Variants in OSBPL6 observed in about 807,000 individuals in gnomAD.
The protein encoded by OSBPL6 is oxysterol-binding protein-related protein 6.
OSBPL6 carries 49 observed loss-of-function variants against 125.8 expected under a neutral mutation model. That is an observed-to-expected ratio of 0.39 (90% CI 0.31 to 0.49). OSBPL6 has a LOEUF of 0.49. OSBPL6 is among the 20% of genes least tolerant of loss of function. The probability of loss-of-function intolerance (pLI) is 0.88; values close to 1 mark genes in which losing one functional copy is unlikely to be tolerated. For missense variants in OSBPL6, 986 were observed against 1,135.4 expected, an observed-to-expected ratio of 0.87 and a Z score of 1.89; for synonymous variants, 394 against 391.8, an observed-to-expected ratio of 1.01 and a Z score of -0.07.
chr2:178,253,806 A>G (rs2091782402), intron 1 of OSBPL6, among the ~76,000 whole-genome samples: 1 of 152,024 alleles, frequency 6.6e-6, no homozygotes, highest in Non-Finnish European at 1.5e-5. Context: ...CCCCTCTAAA[A>G]CTCATGTTGA....
intron 4 of OSBPL6, among the ~76,000 whole-genome samples, chr2:178,327,751 A>G (rs968422259): frequency 8.5e-5 from 13 of 152,202 alleles, no homozygotes; most frequent in African/African-American, 3.1e-4. Context: ...TTGGAATGCA[A>G]GCAAACCTCC....
chr2:178,200,052 T>C (rs1159259364), intron 1 of OSBPL6, among the ~76,000 whole-genome samples: 1 of 152,150 alleles, frequency 6.6e-6, no homozygotes, highest in East Asian at 1.9e-4. Context: ...TTTTGTGAAA[T>C]AATGAGGTTT....
intron 1 of OSBPL6, among the ~76,000 whole-genome samples, chr2:178,219,194 A>G (rs1424819828): frequency 6.6e-6 from 1 of 152,218 alleles, no homozygotes; most frequent in African/African-American, 2.4e-5. Flanking sequence ...TATTAAAGAT[A>G]CCATTTAATG....
At chr2:178,317,502 GCAAA>G (rs1687863724) in intron 3 of OSBPL6, among the ~76,000 whole-genome samples, 2 of 137,306 alleles carry the variant, frequency 1.5e-5, no homozygotes, top group South Asian at 4.6e-4. Context: ...CATTCATTCA[GCAAA>G]CATTTATGAG....
At chr2:178,343,902 T>C (rs568077240) in intron 11 of OSBPL6, among the ~76,000 whole-genome samples, 1 of 152,336 alleles carries the variant, frequency 6.6e-6, no homozygotes, top group African/African-American at 2.4e-5. Context: ...CATTATTTCA[T>C]CAGTTTTTCC....
Position 178,324,212 on chromosome 2 carries a change from C to G in OSBPL6, c.138C>G (p.Ser46Arg). ...IHILERTASS[S>R]TEPSVSRQLL... ...TACTGGAGAGGACTGCTTCCTCTAG[C>G]ACCGAGCCCTCTGTAAGTCGGCAAT... Residue 46 changes from serine (S) to arginine (R), a missense_variant, in exon 4 of 25, where the codon AGC (serine) becomes AGG (arginine). Ser to Arg is a moderately radical substitution (Grantham distance 110). Coordinates refer to ENST00000190611, the MANE Select transcript of OSBPL6 (RefSeq NM_032523.4). The G allele has an allele frequency of 6.3e-7, 1 of 1,582,588 alleles. No individual in the cohort carries two copies. The highest frequency in any genetic ancestry group is 8.6e-7 in the Non-Finnish European group (1 of 1,158,572).
At chr2:178,385,272 G>A (rs956860020) in intron 18 of OSBPL6, among the ~76,000 whole-genome samples, 186 bp from the exon 19 acceptor site, 5 of 152,032 alleles carry the variant, frequency 3.3e-5, no homozygotes, top group Non-Finnish European at 7.4e-5. Flanking sequence ...AGGAAGGAAG[G>A]AAGGACGAAT....
At chr2:178,276,373 T>G (rs2092468952) in intron 1 of OSBPL6, among the ~76,000 whole-genome samples, 1 of 58,844 alleles carries the variant, frequency 1.7e-5, no homozygotes, top group Non-Finnish European at 3.7e-5. Flanking sequence ...TCTAAATGGT[T>G]TTTTTTTTTT....
intron 3 of OSBPL6, among the ~76,000 whole-genome samples, chr2:178,308,568 A>G (rs334603): frequency 0.74 from 112,503 of 152,138 alleles, 42,300 homozygotes; most frequent in Middle Eastern, 0.81. Flanking sequence ...TCAAGTTCTA[A>G]TCGTAGGTAA....
chr2:178,283,192 A>G (rs560835099), intron 1 of OSBPL6, among the ~76,000 whole-genome samples: 1 of 152,136 alleles, frequency 6.6e-6, no homozygotes, highest in Admixed American at 6.5e-5. Flanking sequence ...AATTTTTTTT[A>G]AAAATGTTAT....
chr2:178,293,456 G>A (rs1685465169), intron 2 of OSBPL6, among the ~76,000 whole-genome samples: 1 of 151,988 alleles, frequency 6.6e-6, no homozygotes, highest in Non-Finnish European at 1.5e-5. Context: ...GTTAGTTTAC[G>A]TTTTTGCTTT....
rs371068871 is a variant in OSBPL6 at position 178,331,644 on chromosome 2, G to A, written c.372+39G>A. 57 of 1,601,744 alleles carry A rather than the reference G, an allele frequency of 3.6e-5. No individual in the cohort carries two copies. In the African/African-American group the frequency reaches 6.8e-4, roughly 19 times the overall value. ...AGGACATGTTTCAAAGGTTGATTTC[G>A]AATTCTGCTTGAAGTGAGTAAACAC... On this transcript the variant is annotated intron_variant, in intron 6 of 24. Transcript: ENST00000190611.
intron 1 of OSBPL6, among the ~76,000 whole-genome samples, chr2:178,260,377 A>ATATGTATATGTGTATGTGTATGTG (rs1553536460): frequency 3.3e-5 from 5 of 151,842 alleles, no homozygotes; most frequent in African/African-American, 1.2e-4. Context: ...ATGTATATGT[A>ATATGTATATGTGTATGTGTATGTG]TATGTGTATG....
In OSBPL6 at chr2:178,394,338, G is replaced by A; in HGVS notation, c.2599G>A (p.Ala867Thr). The A allele has an allele frequency of 1.2e-6, 2 of 1,613,132 alleles. No individual in the cohort carries two copies. Residue 867 changes from alanine to threonine, a missense_variant, in exon 24 of 25, where the codon GCT becomes ACT. Transcript: ENST00000190611. ...QRFLEEGNLE[A>T]AASEKQRVEE... Reference sequence around the variant, plus strand: ...ATTTTTGGAAGAAGGAAATTTAGAAGCTGCAGCATCAGAGAAGCAAAGAGT... The same window carrying A: ...ATTTTTGGAAGAAGGAAATTTAGAAACTGCAGCATCAGAGAAGCAAAGAGT...
At chr2:178,359,285 A>G (rs1312159071) in intron 12 of OSBPL6, among the ~76,000 whole-genome samples, 2 of 152,248 alleles carry the variant, frequency 1.3e-5, no homozygotes, top group Non-Finnish European at 2.9e-5. Flanking sequence ...CATAAAAATG[A>G]CCAACAAGTA....
chr2:178,298,921 G>A (rs1020135464), intron 2 of OSBPL6, among the ~76,000 whole-genome samples: 1 of 152,086 alleles, frequency 6.6e-6, no homozygotes, highest in Non-Finnish European at 1.5e-5. Flanking sequence ...ATCATATAGT[G>A]CCTTAGTAAG....
chr2:178,245,254 G>A (rs1276357730), intron 1 of OSBPL6, among the ~76,000 whole-genome samples: 1 of 152,076 alleles, frequency 6.6e-6, no homozygotes, highest in Non-Finnish European at 1.5e-5. Flanking sequence ...ATTTCTTACT[G>A]TTCTTAATTT....
chr2:178,392,602 T>A, intron 23 of OSBPL6, 64 bp downstream of exon 23: 1 of 1,570,842 alleles, frequency 6.4e-7, no homozygotes, highest in Non-Finnish European at 8.6e-7. Context: ...ATGCCTATAA[T>A]CCCAGCACTT....
intron 11 of OSBPL6, among the ~76,000 whole-genome samples, chr2:178,348,620 C>T (rs1475543350): frequency 2.6e-5 from 4 of 152,166 alleles, no homozygotes; most frequent in Non-Finnish European, 5.9e-5. Flanking sequence ...TTGTGTGTAA[C>T]ATACAAAGGT....
Sources: allele counts gnomAD v4.1 joint callset (sites outside exome capture counted in the v4.1 genomes callset), GRCh38; gene constraint gnomAD v4.1.1; transcripts MANE v1.5; gene names NCBI Gene and HGNC (gene_info 2026-07-23, HGNC 2026-07-21).